Variants in EIF4G3 observed in about 807,000 individuals in gnomAD.
EIF4G3 encodes the protein eIF-4-gamma 3.
EIF4G3 carries 34 observed loss-of-function variants against 186.4 expected under a neutral mutation model. That is an observed-to-expected ratio of 0.18 (90% confidence interval 0.14 to 0.24). The LOEUF (loss-of-function observed/expected upper bound fraction) is 0.24. EIF4G3 is among the 10% of genes least tolerant of loss of function. The pLI is 1.00. For missense variants in EIF4G3, 1,536 were observed against 1,948.5 expected (o/e 0.79, Z 3.99); for synonymous variants, 673 against 679.5 (o/e 0.99, Z 0.15).
chr1:21,176,241 G>GCCC lies in EIF4G3; in HGVS notation c.-339_-338insGGG. 1 of 365,112 alleles carries GCCC rather than the reference G, an allele frequency of 2.7e-6. No homozygotes were observed. The allele number at this position is 365,112 out of a possible 1,614,324, so 22.6% of individuals were successfully genotyped here. On this transcript the variant is annotated 5_prime_UTR_variant, in exon 2 of 37. Transcript: ENST00000602326. ...AGGAGGGGGGACCGCTGCCGCCGCC[G>GCCC]CCGCCGCCGCCGCCGCCGCCGCCGC... is the stretch of plus-strand genomic sequence containing the variant.
intron 28 of EIF4G3, 25 bp downstream of exon 28, chr1:20,851,233 C>T: frequency 1.2e-6 from 2 of 1,605,254 alleles, no homozygotes; most frequent in Non-Finnish European, 8.5e-7. Flanking sequence ...CCCAAATCTG[C>T]ATCTGTTTAA....
At chr1:20,825,239 G>C in intron 32 of EIF4G3, 41 bp from the exon 33 acceptor site, 1 of 522,176 alleles carries the variant, frequency 1.9e-6, no homozygotes, top group Non-Finnish European at 3.1e-6. Context: ...TTTCACAGTG[G>C]AAGAAGAAAC....
chr1:20,917,377 C>CT (rs771908898), intron 14 of EIF4G3, among the ~76,000 whole-genome samples: 4 of 152,148 alleles, frequency 2.6e-5, no homozygotes, highest in African/African-American at 7.2e-5. Flanking sequence ...CATTGTAGTG[C>CT]ATGCCTGTTG....
At chr1:21,121,903 C>T (rs1054681454) in intron 2 of EIF4G3, among the ~76,000 whole-genome samples, 1 of 152,104 alleles carries the variant, frequency 6.6e-6, no homozygotes, top group African/African-American at 2.4e-5. Context: ...CACTGCCTTC[C>T]AACCTTGAAG....
chr1:20,983,863 G>A (rs1476701662), intron 7 of EIF4G3, among the ~76,000 whole-genome samples: 3 of 152,164 alleles, frequency 2.0e-5, no homozygotes, highest in South Asian at 2.1e-4. Flanking sequence ...GAAAGAAAAT[G>A]AATCCATTAA....
Position 20,845,797 on chromosome 1 carries a change from G to A in EIF4G3, c.3888+3618C>T, listed in dbSNP as rs559940792. On this transcript the variant is annotated intron_variant, in intron 29 of 36. Transcript: ENST00000602326. Reference sequence around the variant, plus strand: ...TTGGCTATTTGGGCTCCTTTTTTTGGTTCCATATGAATTTTTAAATACTTT... The same window carrying A: ...TTGGCTATTTGGGCTCCTTTTTTTGATTCCATATGAATTTTTAAATACTTT... Among the ~76,000 whole-genome samples the A allele has an allele frequency of 1.1e-3, 170 of 152,004 alleles. 1 individual carries two copies. Among genetic ancestry groups the A allele is most frequent in the African/African-American group, 4.0e-3 (165 of 41,494 alleles).
At chr1:21,087,665 G>A (rs1281726459) in intron 3 of EIF4G3, among the ~76,000 whole-genome samples, 1 of 151,378 alleles carries the variant, frequency 6.6e-6, no homozygotes, top group African/African-American at 2.4e-5. Context: ...ACGGAGTCTC[G>A]CTCTGTCGCC....
chr1:20,826,274 C>G (rs930966748), intron 32 of EIF4G3, among the ~76,000 whole-genome samples: 1 of 151,452 alleles, frequency 6.6e-6, no homozygotes, highest in Non-Finnish European at 1.5e-5. Flanking sequence ...TCAAGCGATT[C>G]TCCTGCCTCA....
At chr1:20,950,247 A>G (rs1437499300) in intron 12 of EIF4G3, 136 bp from the exon 13 acceptor site, 1 of 522,038 alleles carries the variant, frequency 1.9e-6, no homozygotes, top group South Asian at 2.8e-5. Context: ...AGGAAAAAAT[A>G]TATAGTCCAA....
intron 2 of EIF4G3, among the ~76,000 whole-genome samples, chr1:21,140,590 G>A (rs1327148304): frequency 3.9e-5 from 6 of 152,206 alleles, no homozygotes; most frequent in South Asian, 2.1e-4. Context: ...GATTATAGGC[G>A]TGAGCCACCA....
Position 20,942,977 on chromosome 1 carries a change from T to C in EIF4G3, c.824-647A>G, listed in dbSNP as rs145596019. Among the ~76,000 whole-genome samples, 1,486 of 152,262 alleles carry C rather than the reference T, an allele frequency of 9.8e-3. 21 individuals are homozygous for C. Among genetic ancestry groups the C allele is most frequent in the Non-Finnish European group, 0.016 (1,088 of 68,020 alleles). On this transcript the variant is annotated intron_variant, in intron 13 of 36. Transcript: ENST00000602326. ...TTTACCCTTCAATTCTCAATGGAAG[T>C]ATATAACCAGAAATAATGTAAGGTA...
At chr1:20,829,005 A>T in intron 31 of EIF4G3, 142 bp downstream of exon 31, 1 of 865,852 alleles carries the variant, frequency 1.2e-6, no homozygotes, top group Non-Finnish European at 1.8e-6. Flanking sequence ...TTTTACACTG[A>T]AATCAGAAGT....
At position 20,899,913 on chromosome 1, in the gene EIF4G3, T is replaced by C. The variant is rs774760046; in HGVS notation, c.1783A>G (p.Lys595Glu). ...TTATCTTGTTCAGATTCAAGTACTTTGTCAATGGAAAGCTCCTCTTCAGCT... is the reference window on the plus strand; with the variant it reads ...TTATCTTGTTCAGATTCAAGTACTTCGTCAATGGAAAGCTCCTCTTCAGCT... ...LKAEEELSID[K>E]VLESEQDKMS... The change falls in exon 16 of 37, where the codon AAA (lysine) becomes GAA (glutamate). Residue 595 changes from lysine (K) to glutamate (E), a missense_variant. By Grantham distance (56) the Lys-to-Glu change is moderately conservative (BLOSUM62 1). Transcript: ENST00000602326. 9.9e-6 allele frequency: 16 copies of C among 1,613,188 alleles called. No homozygotes were observed. The highest frequency in any genetic ancestry group is 3.3e-5 in the Admixed American group (2 of 59,826).
chr1:21,043,899 A>G (rs1366736387), intron 4 of EIF4G3, among the ~76,000 whole-genome samples: 2 of 150,908 alleles, frequency 1.3e-5, no homozygotes, highest in African/African-American at 4.9e-5. Context: ...GATGGAAAGA[A>G]AGAGAGAGAG....
At chr1:21,002,365 G>A (rs749182862) in intron 5 of EIF4G3, among the ~76,000 whole-genome samples, 3 of 152,088 alleles carry the variant, frequency 2.0e-5, no homozygotes, top group Non-Finnish European at 2.9e-5. Flanking sequence ...TAAAATCATT[G>A]TATTTTACTC....
rs543390158 is a variant in EIF4G3, at chr1:21,034,707, G to C, written c.-67+16159C>G. ...TGCGGCCGCAGGCCACAGGTGCTCA[G>C]GTATAGACACCAAGGCGAATGGTAC... On this transcript the variant is annotated intron_variant, in intron 4 of 36. Transcript: ENST00000602326. Among the ~76,000 whole-genome samples the C allele has an allele frequency of 2.0e-5, 3 of 152,328 alleles. No individual in the cohort carries two copies. The South Asian group carries it at 6.2e-4, about 32-fold the overall frequency.
intron 4 of EIF4G3, among the ~76,000 whole-genome samples, chr1:21,024,344 G>T (rs1475186482): frequency 6.6e-5 from 10 of 150,986 alleles, no homozygotes; most frequent in Non-Finnish European, 1.2e-4. Flanking sequence ...TGAGGGAGGT[G>T]GGGGGGTCAG....
At chr1:20,913,236 T>C (rs762895588) in intron 14 of EIF4G3, among the ~76,000 whole-genome samples, 1 of 152,082 alleles carries the variant, frequency 6.6e-6, no homozygotes, top group Non-Finnish European at 1.5e-5. Context: ...AACAAAACAG[T>C]ATAATAAAAT....
chr1:21,058,761 T>G lies in EIF4G3; in HGVS notation c.-195-7767A>C, dbSNP rs141135154. ...TTTTTTTTTTTTTTGTAGAGACAAG[T>G]TCTCACTGTGTTGCCCAGGCTGGTC... On this transcript the variant is annotated intron_variant, in intron 3 of 36. Coordinates refer to ENST00000602326, the MANE Select transcript of EIF4G3 (RefSeq NM_001391906.1). 2.3e-3 allele frequency among the ~76,000 whole-genome samples: 298 copies of G among 128,348 alleles called. 3 individuals carry two copies. Among genetic ancestry groups the G allele is most frequent in the African/African-American group, 8.5e-3 (276 of 32,558 alleles). 84.2% of individuals were successfully genotyped at this position (128,348 alleles called of 152,430 possible).
Sources: gnomAD v4.1 joint callset for allele counts (sites outside exome capture counted in the v4.1 genomes callset) on GRCh38, gnomAD v4.1.1 for gene constraint, MANE v1.5 for transcripts, NCBI Gene and HGNC (gene_info 2026-07-23, HGNC 2026-07-21) for gene names.